FHOD3: variants seen among roughly 807,000 people sequenced by gnomAD.
FHOD3 encodes the protein formin homology 2 domain containing 3, also known as FH1/FH2 domain-containing protein 3.
In FHOD3, 90 loss-of-function variants were observed where a neutral mutation model predicts 173.0. The observed-to-expected ratio is 0.52, with a 90% CI of 0.44 to 0.62. The LOEUF is 0.62. FHOD3 is among the 20% of genes least tolerant of loss of function. The pLI is 0.00. For missense variants in FHOD3, 1,945 were observed against 2,034.7 expected, an observed-to-expected ratio of 0.96 and a Z score of 0.85; for synonymous variants, 828 against 823.0, an observed-to-expected ratio of 1.01 and a Z score of -0.10.
At chr18:36,509,353 G>A (rs1278310064) in intron 4 of FHOD3, among the ~76,000 whole-genome samples, 1 of 151,210 alleles carries the variant, frequency 6.6e-6, no homozygotes, top group African/African-American at 2.4e-5. Context: ...CGTGAACCCG[G>A]GAGGCGGAGC....
At chr18:36,463,214 T>G (rs1199506875) in intron 3 of FHOD3, among the ~76,000 whole-genome samples, 1 of 151,366 alleles carries the variant, frequency 6.6e-6, no homozygotes, top group African/African-American at 2.4e-5. Context: ...TCCATTTCCA[T>G]TATCTCTGTT....
At chr18:36,769,631 C>T (rs1194183080) in intron 28 of FHOD3, among the ~76,000 whole-genome samples, 1 of 152,168 alleles carries the variant, frequency 6.6e-6, no homozygotes, top group African/African-American at 2.4e-5. Flanking sequence ...CACACCTGTT[C>T]AGTGTATCTG....
chr18:36,481,057 T>TAA (rs1321906707), intron 3 of FHOD3, among the ~76,000 whole-genome samples: 26 of 124,176 alleles, frequency 2.1e-4, no homozygotes, highest in Admixed American at 1.9e-3. Flanking sequence ...TTAAAGAGCA[T>TAA]AACTCATTTT....
intron 5 of FHOD3, among the ~76,000 whole-genome samples, chr18:36,545,721 G>C (rs990483294): frequency 4.6e-5 from 7 of 152,222 alleles, no homozygotes; most frequent in East Asian, 1.9e-4. Context: ...CAGAACATAA[G>C]TGGAAAGTAG....
chr18:36,760,753 G>C lies in FHOD3; in HGVS notation c.4595G>C (p.Gly1532Ala). ...PSVEDATPAL[G>A]VRTRSRASRG... ...GTGGAGGACGCCACCCCCGCGCTGG[G>C]CGTCCGCACACGCAGCCGAGCAAGC... is the stretch of plus-strand genomic sequence containing the variant. The change falls in exon 27 of 29, where the codon GGC becomes GCC. Residue 1532 changes from glycine to alanine, a missense_variant. Physicochemically the swap from Gly to Ala is moderately conservative, Grantham distance 60. Transcript: ENST00000590592. 9 of 1,611,812 alleles carry C rather than the reference G, an allele frequency of 5.6e-6. No individual in the cohort carries two copies. The highest frequency in any genetic ancestry group is 7.6e-6 in the Non-Finnish European group (9 of 1,179,572).
intron 3 of FHOD3, among the ~76,000 whole-genome samples, chr18:36,437,646 G>A (rs1444235948): frequency 7.3e-6 from 1 of 137,834 alleles, no homozygotes; most frequent in East Asian, 2.1e-4. Context: ...ACTGCATTGA[G>A]CTTCTGGTTT....
chr18:36,322,884 T>C (rs565377887), intron 1 of FHOD3, among the ~76,000 whole-genome samples: 72 of 152,334 alleles, frequency 4.7e-4, no homozygotes, highest in African/African-American at 1.7e-3. Flanking sequence ...TGACACTTAC[T>C]GCTGTCTGTT....
At chr18:36,751,753 T>C (rs964749563) in intron 24 of FHOD3, among the ~76,000 whole-genome samples, 1 of 152,218 alleles carries the variant, frequency 6.6e-6, no homozygotes, top group Non-Finnish European at 1.5e-5. Context: ...TTGTCTTTAA[T>C]TCTTAAACGT....
At chr18:36,638,441 C>T (rs1366224306) in intron 10 of FHOD3, among the ~76,000 whole-genome samples, 3 of 152,224 alleles carry the variant, frequency 2.0e-5, no homozygotes, top group East Asian at 3.9e-4. Flanking sequence ...GCACAGAGTC[C>T]GGTTATTAGT....
chr18:36,555,954 G>A (rs991194652), intron 5 of FHOD3, among the ~76,000 whole-genome samples: 2 of 151,942 alleles, frequency 1.3e-5, no homozygotes, highest in African/African-American at 4.8e-5. Flanking sequence ...GATCATTTCT[G>A]TAGGACTCAT....
intron 3 of FHOD3, among the ~76,000 whole-genome samples, chr18:36,373,029 G>A (rs1433854647): frequency 6.6e-6 from 1 of 152,144 alleles, no homozygotes; most frequent in Admixed American, 6.5e-5. Flanking sequence ...GTGCCATTGT[G>A]AGCCTCTAGC....
At chr18:36,553,497 G>T (rs1377797959) in intron 5 of FHOD3, among the ~76,000 whole-genome samples, 17 of 152,064 alleles carry the variant, frequency 1.1e-4, no homozygotes, top group Non-Finnish European at 2.2e-4. Context: ...CAATTTCAGA[G>T]CCTGCTATTG....
intron 14 of FHOD3, among the ~76,000 whole-genome samples, chr18:36,664,980 C>A (rs2037080091): frequency 6.6e-6 from 1 of 152,120 alleles, no homozygotes; most frequent in African/African-American, 2.4e-5. Flanking sequence ...ATGGTTGCAG[C>A]TACTCAGGAG....
At chr18:36,625,894 C>T in intron 10 of FHOD3, 145 bp downstream of exon 10, 1 of 648,742 alleles carries the variant, frequency 1.5e-6, no homozygotes, top group Non-Finnish European at 2.4e-6. Context: ...ATTAAACCAC[C>T]AGCCAAACAT....
chr18:36,769,159 G>T, intron 27 of FHOD3, 106 bp from the exon 28 acceptor site: 3 of 1,348,964 alleles, frequency 2.2e-6, no homozygotes, highest in Non-Finnish European at 3.1e-6. Context: ...GGCCTTCCCT[G>T]TGATCTGTTG....
chr18:36,455,594 T>A (rs2052149872), intron 3 of FHOD3, among the ~76,000 whole-genome samples: 3 of 149,304 alleles, frequency 2.0e-5, no homozygotes, highest in Admixed American at 2.0e-4. Context: ...AAAAAAGCTG[T>A]CTAGGGATCA....
chr18:36,348,570 G>C (rs1436335740), intron 1 of FHOD3, among the ~76,000 whole-genome samples: 1 of 152,184 alleles, frequency 6.6e-6, no homozygotes, highest in African/African-American at 2.4e-5. Context: ...GATCCATGGA[G>C]CACACTCTGG....
At chr18:36,573,025 T>C (rs1286152065) in intron 5 of FHOD3, among the ~76,000 whole-genome samples, 1 of 150,356 alleles carries the variant, frequency 6.7e-6, no homozygotes, top group African/African-American at 2.5e-5. Context: ...AGCTCTTCCA[T>C]GAGGTAGGGG....
intron 3 of FHOD3, among the ~76,000 whole-genome samples, chr18:36,431,535 T>A (rs546978098): frequency 1.5e-4 from 23 of 152,214 alleles, no homozygotes; most frequent in Non-Finnish European, 3.1e-4. Flanking sequence ...TGGACAGATT[T>A]GACTTGGGTA....
Sources: allele counts gnomAD v4.1 joint callset (sites outside exome capture counted in the v4.1 genomes callset), GRCh38; gene constraint gnomAD v4.1.1; transcripts MANE v1.5; gene names NCBI Gene and HGNC (gene_info 2026-07-23, HGNC 2026-07-21).